CNTROB: variants seen among roughly 807,000 people sequenced by gnomAD.
The protein encoded by CNTROB is centrobin, centriole duplication and spindle assembly protein.
In CNTROB, 82 loss-of-function variants were observed where a neutral mutation model predicts 115.7. The observed-to-expected ratio is 0.71, with a 90% CI of 0.59 to 0.85. CNTROB has a LOEUF of 0.85. Ranked by LOEUF, CNTROB falls within the 40% of genes least tolerant of loss-of-function variation. CNTROB has a pLI of 0.00. For synonymous variants in CNTROB, 439 were observed against 456.4 expected (o/e 0.96, Z 0.49); for missense variants, 1,014 against 1,144.4 (o/e 0.89, Z 1.64).
At chr17:7,936,159 T>C in intron 4 of CNTROB, 2 of 543,374 alleles carry the variant, frequency 3.7e-6, no homozygotes, top group East Asian at 3.0e-5. Flanking sequence ...ACTTATCTCC[T>C]GAAAAGGTAC....
Position 7,936,779 on chromosome 17 carries a change from C to A in CNTROB, c.790C>A (p.His264Asn). The change falls in exon 6 of 19, where the codon CAC (histidine) becomes AAC (asparagine). Residue 264 changes from histidine (H) to asparagine (N), a missense_variant. Transcript: ENST00000563694. ...TEVLRGLQEE[H>N]QAAELTRSKQ... ...GGTTCTCAGGGGACTTCAAGAGGAA[C>A]ACCAGGCAGCAGAGCTCACCAGAAG... 6.5e-7 allele frequency: 1 copy of A among 1,535,812 alleles called. No homozygotes were observed. Among genetic ancestry groups the A allele is most frequent in the Non-Finnish European group, 9.0e-7 (1 of 1,108,348 alleles).
intron 9 of CNTROB, among the ~76,000 whole-genome samples, chr17:7,941,813 C>G (rs147514013): frequency 0.011 from 1,695 of 151,598 alleles, 25 homozygotes; most frequent in African/African-American, 0.037. Flanking sequence ...AATACAAAAA[C>G]TTAGCCGGGT....
rs11078719 is a variant in CNTROB at position 7,939,735 on chromosome 17, C to T, written c.1150C>T (p.Leu384=). Residue 384 remains leucine (L), a synonymous_variant, in exon 8 of 19, where the codon CTG becomes TTG. Coordinates refer to ENST00000563694, the MANE Select transcript of CNTROB (RefSeq NM_053051.5). This position sits in a 1 kb window ranked among gnomAD's most constrained non-coding sequence, Gnocchi z 4.4. ...QALQEESQAQ[L]EREKEKSQRE... is the part of the protein sequence containing the mutation. ...GCTGCAGGAGGAGAGCCAGGCTCAG[C>T]TGGAAAGGGAGAAGGTAAAAGTGGC... is the stretch of plus-strand genomic sequence containing the variant. 768,414 of 1,613,194 alleles carry T rather than the reference C, an allele frequency of 0.48. 189,733 individuals are homozygous for T. Among genetic ancestry groups the T allele is most frequent in the East Asian group, 0.75 (33,576 of 44,854 alleles).
chr17:7,947,823 T>G, intron 14 of CNTROB, 93 bp from the exon 15 acceptor site: 1 of 1,609,314 alleles, frequency 6.2e-7, no homozygotes, highest in Non-Finnish European at 8.5e-7. Flanking sequence ...TCCCTGTTTA[T>G]GACTAACTCT....
rs746372708 is a variant in CNTROB, at chr17:7,944,632, C to G, written c.1728C>G (p.Asn576Lys). Residue 576 changes from asparagine to lysine, a missense_variant, in exon 12 of 19, where the codon AAC (asparagine) becomes AAG (lysine). Physicochemically the swap from Asn to Lys is moderately conservative, Grantham distance 94. Transcript: ENST00000563694. The surrounding 1 kb of genome is among the most constrained non-coding windows in gnomAD (Gnocchi z 4.0). Reference protein sequence around the residue: ...QLLSTTLPPPNPPAPPAGPSS... With the variant: ...QLLSTTLPPPKPPAPPAGPSS... ...TCAGCACCACTCTCCCGCCGCCCAACCCTCCAGTACGCCTTACCCCTTGAG... is the reference window on the plus strand; with the variant it reads ...TCAGCACCACTCTCCCGCCGCCCAAGCCTCCAGTACGCCTTACCCCTTGAG... The G allele has an allele frequency of 7.5e-6, 12 of 1,607,264 alleles. No homozygotes were observed. The highest frequency in any genetic ancestry group is 1.0e-5 in the Non-Finnish European group (12 of 1,175,824).
rs747883280 is a variant in CNTROB, at chr17:7,936,760, C to T, written c.771C>T (p.Leu257=). 1.8e-5 allele frequency: 28 copies of T among 1,572,178 alleles called. No individual in the cohort carries two copies. Among genetic ancestry groups the T allele is most frequent in the Non-Finnish European group, 2.3e-5 (26 of 1,141,706 alleles). ...NRHEAERTEV[L]RGLQEEHQAA... ...ATGAGGCTGAGCGGACAGAGGTTCT[C>T]AGGGGACTTCAAGAGGAACACCAGG... The change falls in exon 6 of 19, where the codon CTC becomes CTT. Residue 257 remains leucine (L), a synonymous_variant. Coordinates refer to ENST00000563694, the MANE Select transcript of CNTROB (RefSeq NM_053051.5).
At chr17:7,940,344 TG>T in intron 9 of CNTROB, 102 bp downstream of exon 9, 1 of 1,135,462 alleles carries the variant, frequency 8.8e-7, no homozygotes, top group Non-Finnish European at 1.2e-6. Context: ...TTCAGGTGTT[TG>T]GGGTTTAATT....
At chr17:7,949,327 G>A (rs1857096682) in intron 18 of CNTROB, 58 bp from the exon 19 acceptor site, 18 of 1,606,308 alleles carry the variant, frequency 1.1e-5, no homozygotes, top group Non-Finnish European at 1.5e-5. Flanking sequence ...CCTCAGTGGG[G>A]TGGGGAATTG....
In CNTROB at chr17:7,934,151, A is replaced by T. The variant is rs375355835; in HGVS notation, c.284A>T (p.His95Leu). ...GCTTTTTTCCAGGATGGTTCTAAGC[A>T]TATCTTTGAGATGGAAAGTGTTCGG... is the stretch of plus-strand genomic sequence containing the variant. ...KNLKKKDGSK[H>L]IFEMESVRGQ... The change falls in exon 2 of 19, where the codon CAT (histidine) becomes CTT (leucine). Residue 95 changes from histidine to leucine, a missense_variant. His to Leu is a moderately conservative substitution (Grantham distance 99, BLOSUM62 -3). Transcript: ENST00000563694. 9.9e-6 allele frequency: 16 copies of T among 1,614,016 alleles called. No homozygotes were observed. The highest frequency in any genetic ancestry group is 1.3e-5 in the African/African-American group (1 of 74,922).
chr17:7,949,661 AC>A lies in CNTROB; in HGVS notation c.*152del. 2.9e-6 allele frequency: 2 copies of A among 679,186 alleles called. No homozygotes were observed. The highest frequency in any genetic ancestry group is 6.2e-5 in the East Asian group (2 of 32,044). 42.1% of individuals were successfully genotyped at this position (679,186 alleles called of 1,614,324 possible). A position where few individuals can be genotyped will look rare whatever the true frequency, so the allele number is the denominator to read the frequency against. ...GTAAAGAAACCACATTTGGTTGAGTACTTTTTTTATATGTTACATGTTTATA... is the reference window on the plus strand; with the variant it reads ...GTAAAGAAACCACATTTGGTTGAGTATTTTTTTATATGTTACATGTTTATA... On this transcript the variant is annotated 3_prime_UTR_variant, in exon 19 of 19. Coordinates refer to ENST00000563694, the MANE Select transcript of CNTROB (RefSeq NM_053051.5).
Position 7,948,949 on chromosome 17 carries a change from CT to C in CNTROB, c.2514-135del. On this transcript the variant is annotated intron_variant, in intron 17 of 18. Coordinates refer to ENST00000563694, the MANE Select transcript of CNTROB (RefSeq NM_053051.5). This position sits in a 1 kb window ranked among gnomAD's most constrained non-coding sequence, Gnocchi z 4.4. Reference sequence around the variant, plus strand: ...CGTTATTTACTTCCACTAATGTCTCCTCCCAGTTGATGCCCAGGTCTATCGA... The same window carrying C: ...CGTTATTTACTTCCACTAATGTCTCCCCCAGTTGATGCCCAGGTCTATCGA... 6.4e-7 allele frequency: 1 copy of C among 1,559,202 alleles called. No individual in the cohort carries two copies. Among genetic ancestry groups the C allele is most frequent in the Non-Finnish European group, 8.7e-7 (1 of 1,151,570 alleles).
intron 13 of CNTROB, 81 bp from the exon 14 acceptor site, chr17:7,947,490 G>C: frequency 7.4e-7 from 1 of 1,358,248 alleles, no homozygotes; most frequent in East Asian, 2.4e-5. Context: ...TTTCTTCTGA[G>C]TATTAGGTGA....
intron 3 of CNTROB, 89 bp from the exon 4 acceptor site, chr17:7,934,900 T>G (rs919340145): frequency 7.0e-7 from 1 of 1,436,414 alleles, no homozygotes; most frequent in Non-Finnish European, 9.4e-7. Flanking sequence ...TCTCTGGGTC[T>G]CAGTTTCCTC....
At chr17:7,949,326 G>T in intron 18 of CNTROB, 59 bp from the exon 19 acceptor site, 1 of 1,605,672 alleles carries the variant, frequency 6.2e-7, no homozygotes. Flanking sequence ...TCCTCAGTGG[G>T]GTGGGGAATT....
intron 13 of CNTROB, among the ~76,000 whole-genome samples, chr17:7,946,957 G>A (rs957456258): frequency 3.3e-5 from 5 of 151,816 alleles, no homozygotes; most frequent in African/African-American, 7.3e-5. Flanking sequence ...TCAGGATATC[G>A]AGACCATCCT....
At position 7,939,714 on chromosome 17, in the gene CNTROB, C is replaced by T; in HGVS notation, c.1129C>T (p.Gln377Ter). ...HQLKEHYQAL[Q>*]EESQAQLERE... ...GCTTAAGGAACACTACCAGGCGCTG[C>T]AGGAGGAGAGCCAGGCTCAGCTGGA... Residue 377 changes from glutamine (Q) to a stop codon, truncating the protein, a stop_gained, in exon 8 of 19, where the codon CAG becomes TAG. Transcript: ENST00000563694. LOFTEE classifies it high-confidence loss of function. This position sits in a 1 kb window ranked among gnomAD's most constrained non-coding sequence, Gnocchi z 4.4. 6.2e-7 allele frequency: 1 copy of T among 1,613,964 alleles called. No homozygotes were observed. The highest frequency in any genetic ancestry group is 1.6e-4 in the Middle Eastern group (1 of 6,062).
chr17:7,948,379 G>T lies in CNTROB; in HGVS notation c.2380+52G>T. On this transcript the variant is annotated intron_variant, in intron 16 of 18. Transcript: ENST00000563694. This position sits in a 1 kb window ranked among gnomAD's most constrained non-coding sequence, Gnocchi z 4.4. ...AAAAAGGAGGGACAGTCCTGAGTGT[G>T]GATCCAGTACAGGCACTTACAGTCC... is the stretch of plus-strand genomic sequence containing the variant. 1 of 1,610,162 alleles carries T rather than the reference G, an allele frequency of 6.2e-7. No homozygotes were observed. Among genetic ancestry groups the T allele is most frequent in the Non-Finnish European group, 8.5e-7 (1 of 1,176,640 alleles).
At position 7,947,522 on chromosome 17, in the gene CNTROB, T is replaced by TA. The variant is rs749414094; in HGVS notation, c.1994-49_1994-48insA. The TA allele has an allele frequency of 5.2e-5, 79 of 1,510,276 alleles. No homozygotes were observed. In the African/African-American group the frequency reaches 9.6e-4, roughly 18 times the overall value. 93.6% of individuals were successfully genotyped at this position (1,510,276 alleles called of 1,614,324 possible). ...GTGAGTTGATTTGTGGAGAAGCCCC[T>TA]TCCCCCCTGAACACACTTGCACCCA... is the stretch of plus-strand genomic sequence containing the variant. On this transcript the variant is annotated intron_variant, in intron 13 of 18. Coordinates refer to ENST00000563694, the MANE Select transcript of CNTROB (RefSeq NM_053051.5).
At chr17:7,933,810 A>G (rs1205623709) in intron 1 of CNTROB, among the ~76,000 whole-genome samples, 2 of 152,250 alleles carry the variant, frequency 1.3e-5, no homozygotes, top group Admixed American at 6.5e-5. Context: ...TTAGTATTGT[A>G]TAGAAAAGGT....
Sources: allele counts gnomAD v4.1 joint callset (sites outside exome capture counted in the v4.1 genomes callset), GRCh38; gene constraint gnomAD v4.1.1; non-coding constraint Gnocchi (gnomAD v3.1); transcripts MANE v1.5; gene names NCBI Gene and HGNC (gene_info 2026-07-23, HGNC 2026-07-21).